The following ADGRB3 variants were observed in gnomAD, a reference collection of about 807,000 sequenced individuals.
ADGRB3 encodes the protein brain-specific angiogenesis inhibitor 3.
A neutral mutation model predicts 193.4 loss-of-function variants in ADGRB3; 37 were observed. The ratio of observed to expected loss-of-function variants is 0.19; its 90% CI spans 0.15 to 0.25. The LOEUF (loss-of-function observed/expected upper bound fraction) is 0.25. Ranked by LOEUF, ADGRB3 falls within the 10% of genes least tolerant of loss-of-function variation. The probability of loss-of-function intolerance (pLI) is 1.00; values close to 1 mark genes in which losing one functional copy is unlikely to be tolerated. For missense variants in ADGRB3, 1,637 were observed against 1,852.9 expected, an observed-to-expected ratio of 0.88 and a Z score of 2.14; for synonymous variants, 690 against 644.2, an observed-to-expected ratio of 1.07 and a Z score of -1.08.
intron 3 of ADGRB3, among the ~76,000 whole-genome samples, chr6:68,809,122 TA>T (rs1767463926): frequency 6.6e-6 from 1 of 152,142 alleles, no homozygotes; most frequent in Non-Finnish European, 1.5e-5. Context: ...GATTATGAAG[TA>T]TATACATTCT....
At chr6:69,274,375 G>A (rs1387703020) in intron 20 of ADGRB3, among the ~76,000 whole-genome samples, 2 of 152,040 alleles carry the variant, frequency 1.3e-5, no homozygotes, top group East Asian at 1.9e-4. Context: ...GTTCATTACC[G>A]AAGCAGCGGA....
chr6:68,979,568 G>T (rs1768848921), intron 10 of ADGRB3, among the ~76,000 whole-genome samples: 1 of 151,488 alleles, frequency 6.6e-6, no homozygotes, highest in Non-Finnish European at 1.5e-5. Context: ...GCTAAACGTT[G>T]TGAGATTCTT....
At chr6:69,215,926 A>T (rs762084708) in intron 17 of ADGRB3, among the ~76,000 whole-genome samples, 1 of 152,178 alleles carries the variant, frequency 6.6e-6, no homozygotes, top group Non-Finnish European at 1.5e-5. Flanking sequence ...CAGCTGACAT[A>T]GATAGTTAAT....
chr6:69,241,379 C>G (rs1766381836), intron 20 of ADGRB3, among the ~76,000 whole-genome samples: 1 of 151,776 alleles, frequency 6.6e-6, no homozygotes, highest in Admixed American at 6.6e-5. Context: ...ATTTTACAAT[C>G]TTTTTTAAGT....
chr6:68,948,028 G>A (rs925548580), intron 6 of ADGRB3, among the ~76,000 whole-genome samples: 5 of 152,156 alleles, frequency 3.3e-5, no homozygotes, highest in Non-Finnish European at 4.4e-5. Flanking sequence ...GGAAGCGAGC[G>A]GCCTTTGTTC....
intron 20 of ADGRB3, among the ~76,000 whole-genome samples, chr6:69,312,919 T>C (rs946567482): frequency 1.3e-5 from 2 of 151,826 alleles, no homozygotes; most frequent in African/African-American, 4.8e-5. Context: ...GAATTGTTAT[T>C]GTTGTTAATA....
At chr6:69,205,251 G>A (rs546380927) in intron 17 of ADGRB3, among the ~76,000 whole-genome samples, 8 of 152,104 alleles carry the variant, frequency 5.3e-5, no homozygotes, top group African/African-American at 1.9e-4. Flanking sequence ...CATTGCTGCG[G>A]CATTTTTCTC....
At chr6:68,981,504 C>T (rs776689215) in intron 10 of ADGRB3, among the ~76,000 whole-genome samples, 1 of 151,652 alleles carries the variant, frequency 6.6e-6, no homozygotes, top group South Asian at 2.1e-4. Flanking sequence ...GCCTGTAAAA[C>T]TTTCAATTGT....
intron 17 of ADGRB3, among the ~76,000 whole-genome samples, chr6:69,117,831 C>T (rs925374936): frequency 4.6e-5 from 7 of 152,116 alleles, no homozygotes; most frequent in African/African-American, 1.7e-4. Flanking sequence ...CACACTTTTT[C>T]TTCACTACTG....
At chr6:69,376,931 T>C (rs1047516447) in intron 30 of ADGRB3, among the ~76,000 whole-genome samples, 1 of 152,098 alleles carries the variant, frequency 6.6e-6, no homozygotes, top group Non-Finnish European at 1.5e-5. Context: ...AATATGCAAC[T>C]AATTTTTGCT....
chr6:69,282,845 T>C (rs1035781251), intron 20 of ADGRB3, among the ~76,000 whole-genome samples: 2 of 152,212 alleles, frequency 1.3e-5, no homozygotes, highest in African/African-American at 2.4e-5. Flanking sequence ...GCTTAAAATA[T>C]AGAAAGACAG....
At chr6:68,654,431 A>C (rs1399113548) in intron 3 of ADGRB3, among the ~76,000 whole-genome samples, 1 of 152,068 alleles carries the variant, frequency 6.6e-6, no homozygotes, top group Non-Finnish European at 1.5e-5. Context: ...GTAGTCAGAG[A>C]ATAGTACACA....
At chr6:68,879,213 CTTTTTTTTT>C (rs529789046) in intron 3 of ADGRB3, among the ~76,000 whole-genome samples, 1,151 of 91,958 alleles carry the variant, frequency 0.013, 12 homozygotes, top group Non-Finnish European at 0.016. Context: ...CTTTTTGTCG[CTTTTTTTTT>C]TTTTTTTTTT....
chr6:68,926,388 G>C (rs1000369157), intron 3 of ADGRB3, among the ~76,000 whole-genome samples: 3 of 152,020 alleles, frequency 2.0e-5, no homozygotes, highest in Non-Finnish European at 4.4e-5. Flanking sequence ...TCATGGAGGT[G>C]GTGCCATTTG....
intron 3 of ADGRB3, among the ~76,000 whole-genome samples, chr6:68,669,389 C>T (rs931686260): frequency 2.0e-5 from 3 of 151,556 alleles, no homozygotes; most frequent in Non-Finnish European, 4.4e-5. Context: ...ACCCCTCAAT[C>T]CCCCACTACC....
chr6:69,370,076 G>C (rs1769674494), intron 29 of ADGRB3, among the ~76,000 whole-genome samples: 1 of 152,140 alleles, frequency 6.6e-6, no homozygotes, highest in Non-Finnish European at 1.5e-5. Flanking sequence ...ATGAAATGCT[G>C]CGCTTGTAGT....
chr6:68,765,426 T>G (rs532879379), intron 3 of ADGRB3, among the ~76,000 whole-genome samples: 185 of 152,196 alleles, frequency 1.2e-3, no homozygotes, highest in Non-Finnish European at 2.1e-3. Flanking sequence ...TATCCGCCTA[T>G]TAACACCGAT....
intron 7 of ADGRB3, among the ~76,000 whole-genome samples, 182 bp from the exon 8 acceptor site, chr6:68,956,463 C>T (rs979205989): frequency 6.6e-6 from 1 of 152,130 alleles, no homozygotes; most frequent in Non-Finnish European, 1.5e-5. Context: ...GCACTTTTTA[C>T]ACTTTTTTAC....
At position 69,304,671 on chromosome 6, in the gene ADGRB3, AGTT is replaced by A. The variant is rs931506547; in HGVS notation, c.2815-20200_2815-20198del. On this transcript the variant is annotated intron_variant, in intron 20 of 31. Coordinates refer to ENST00000370598, the MANE Select transcript of ADGRB3 (RefSeq NM_001704.3). ...CTGTTTTTGCCATATTGTATGCAGT[AGTT>A]AACAGTATAGAACTTGGTGATAGAT... Among the ~76,000 whole-genome samples the A allele has an allele frequency of 1.8e-4, 27 of 151,584 alleles. 1 individual carries two copies. Among genetic ancestry groups the A allele is most frequent in the Admixed American group, 1.8e-3 (27 of 15,210 alleles).
Sources: gnomAD v4.1 joint callset for allele counts (sites outside exome capture counted in the v4.1 genomes callset) on GRCh38, gnomAD v4.1.1 for gene constraint, MANE v1.5 for transcripts, NCBI Gene and HGNC (gene_info 2026-07-23, HGNC 2026-07-21) for gene names.